Variants in BTG4 observed in about 807,000 individuals in gnomAD.
The protein encoded by BTG4 is protein BTG4.
BTG4 carries 10 observed loss-of-function variants against 19.3 expected under a neutral mutation model. The observed-to-expected ratio is 0.52, with a 90% CI of 0.32 to 0.88. BTG4 has a LOEUF of 0.88. Ranked by LOEUF, BTG4 falls within the 40% of genes least tolerant of loss-of-function variation. The pLI, the probability that BTG4 is intolerant of heterozygous loss-of-function variation, is 0.04. For missense variants in BTG4, 238 were observed against 281.9 expected, an observed-to-expected ratio of 0.84 and a Z score of 1.11; for synonymous variants, 91 against 95.7, an observed-to-expected ratio of 0.95 and a Z score of 0.29.
the BTG4 span, among the ~76,000 whole-genome samples, chr11:111,449,157 G>T: frequency 1.3e-5 from 2 of 151,966 alleles, no homozygotes; most frequent in African/African-American, 4.8e-5. Context: ...AGAACAGGCT[G>T]GTCTCCCCCT....
chr11:111,488,048 C>T (rs1353610996), intron 5 of BTG4, among the ~76,000 whole-genome samples: 1 of 152,046 alleles, frequency 6.6e-6, no homozygotes, highest in African/African-American at 2.4e-5. Context: ...TCTACAGATT[C>T]AATGCAATCC....
At chr11:111,475,240 G>GT (rs1339959949) in intron 5 of BTG4, 1 of 152,366 alleles carries the variant, frequency 6.6e-6, no homozygotes, top group Non-Finnish European at 1.5e-5. Flanking sequence ...GTGTATCATA[G>GT]TTTTAAGTGT....
chr11:111,514,641 C>A (rs1591552457), upstream of BTG4: 26 of 646,270 alleles, frequency 4.0e-5, no homozygotes, highest in East Asian at 6.0e-4. Context: ...ACGGCCCCCA[C>A]GCGCGTGGCG....
In BTG4 at chr11:111,495,053, C is replaced by T. The variant is rs553415537; in HGVS notation, c.*82G>A. The T allele has an allele frequency of 1.7e-5, 23 of 1,390,342 alleles. No homozygotes were observed. In the South Asian group the frequency reaches 4.1e-4, roughly 25 times the overall value. The allele number at this position is 1,390,342 out of a possible 1,614,324, so 86.1% of individuals were successfully genotyped here. A position where few individuals can be genotyped will look rare whatever the true frequency, so the allele number is the denominator to read the frequency against. On this transcript the variant is annotated 3_prime_UTR_variant, in exon 5 of 5. Coordinates refer to ENST00000692032, the MANE Select transcript of BTG4 (RefSeq NM_001367975.1). ...TGGTCATTTTTTGTTTCATGGGCCT[C>T]TCAACCTTAAATTCATTTTTATTTT...
the BTG4 span, chr11:111,458,066 G>C: frequency 4.6e-5 from 7 of 152,844 alleles, no homozygotes; most frequent in African/African-American, 1.4e-4. Context: ...GCCGTGCCAG[G>C]AGAGTCCAGA....
At chr11:111,473,414 T>A (rs991249719) in intron 5 of BTG4, 1 of 152,482 alleles carries the variant, frequency 6.6e-6, no homozygotes, top group African/African-American at 2.4e-5. Flanking sequence ...AATTTGGGAG[T>A]GAAGATAAGG....
At chr11:111,498,247 C>G (rs1051498363) in intron 2 of BTG4, 112 bp from the exon 3 acceptor site, 35 of 1,206,512 alleles carry the variant, frequency 2.9e-5, no homozygotes, top group Non-Finnish European at 4.1e-5. Flanking sequence ...TCCCCTCAGC[C>G]TCCTTCCCCT....
Position 111,498,276 on chromosome 11 carries a change from A to G in BTG4, c.174-141T>C, listed in dbSNP as rs1257092566. On this transcript the variant is annotated intron_variant, in intron 2 of 4. Coordinates refer to ENST00000692032, the MANE Select transcript of BTG4 (RefSeq NM_001367975.1). ...TTCCCCTCAGCCTCCTCCACCCTCC[A>G]CTCTTACAAGTAAGACATCATCAAC... 5.6e-6 allele frequency: 5 copies of G among 889,794 alleles called. No individual in the cohort carries two copies. The African/African-American group carries it at 8.4e-5, about 15-fold the overall frequency. The allele number at this position is 889,794 out of a possible 1,614,324, so 55.1% of individuals were successfully genotyped here.
the BTG4 span, among the ~76,000 whole-genome samples, chr11:111,454,773 G>C: frequency 6.6e-6 from 1 of 151,444 alleles, no homozygotes; most frequent in African/African-American, 2.4e-5. Flanking sequence ...TGCTGAGACT[G>C]GCTGGGACGA....
intron 3 of BTG4, among the ~76,000 whole-genome samples, chr11:111,497,637 T>A (rs1343686365): frequency 1.3e-5 from 2 of 152,244 alleles, no homozygotes; most frequent in Admixed American, 6.5e-5. Flanking sequence ...TTGATTCAGT[T>A]AATGAACTGA....
At chr11:111,511,517 C>T (rs1452833348) in intron 1 of BTG4, among the ~76,000 whole-genome samples, 1 of 152,190 alleles carries the variant, frequency 6.6e-6, no homozygotes, top group African/African-American at 2.4e-5. Context: ...AGAACTAAGC[C>T]TTTGGTGTCA....
At chr11:111,485,447 A>C (rs1291021262) in intron 5 of BTG4, among the ~76,000 whole-genome samples, 2 of 152,180 alleles carry the variant, frequency 1.3e-5, no homozygotes, top group Admixed American at 6.5e-5. Flanking sequence ...ATCAATAACA[A>C]AGGAAACTTT....
At chr11:111,396,820 T>C in the BTG4 span, 1 of 152,380 alleles carries the variant, frequency 6.6e-6, no homozygotes, top group African/African-American at 2.4e-5. Context: ...AGTTTCTGTT[T>C]ATTTTCATTA....
the BTG4 span, among the ~76,000 whole-genome samples, chr11:111,435,804 C>G: frequency 4.6e-5 from 7 of 152,144 alleles, no homozygotes; most frequent in African/African-American, 1.7e-4. Context: ...AAACACAACT[C>G]CACCCCACCC....
At chr11:111,424,425 C>A in the BTG4 span, among the ~76,000 whole-genome samples, 1 of 152,248 alleles carries the variant, frequency 6.6e-6, no homozygotes, top group Non-Finnish European at 1.5e-5. Flanking sequence ...TCCTGCCCCA[C>A]AACTTGGCAT....
At chr11:111,488,733 C>G (rs1480577011) in intron 5 of BTG4, among the ~76,000 whole-genome samples, 1 of 152,156 alleles carries the variant, frequency 6.6e-6, no homozygotes, top group African/African-American at 2.4e-5. Flanking sequence ...ATAAGAAGCT[C>G]AAACAACTCA....
downstream of BTG4, among the ~76,000 whole-genome samples, chr11:111,492,954 T>G (rs557359729): frequency 1.3e-5 from 2 of 152,298 alleles, no homozygotes; most frequent in Non-Finnish European, 2.9e-5. Flanking sequence ...GAGACCAGCG[T>G]GGCCAACATG....
At chr11:111,407,597 G>A in the BTG4 span, among the ~76,000 whole-genome samples, 7 of 152,172 alleles carry the variant, frequency 4.6e-5, 1 homozygote, top group East Asian at 1.9e-4. Context: ...GCTAGAACCC[G>A]GGAGGTGAGG....
chr11:111,482,632 C>T (rs1443209681), intron 5 of BTG4, among the ~76,000 whole-genome samples: 1 of 152,048 alleles, frequency 6.6e-6, no homozygotes, highest in Admixed American at 6.6e-5. Context: ...CAGAAATACA[C>T]CCACAGTGAT....
Sources: allele counts gnomAD v4.1 joint callset (sites outside exome capture counted in the v4.1 genomes callset), GRCh38; gene constraint gnomAD v4.1.1; transcripts MANE v1.5; gene names NCBI Gene and HGNC (gene_info 2026-07-23, HGNC 2026-07-21).